DYM: variants seen among roughly 807,000 people sequenced by gnomAD.
The protein encoded by DYM is dymeclin.
DYM carries 78 observed loss-of-function variants against 93.1 expected under a neutral mutation model. The observed-to-expected ratio is 0.84, with a 90% confidence interval of 0.70 to 1.01. The LOEUF is 1.01. Ranked by LOEUF, DYM falls within the 50% of genes least tolerant of loss-of-function variation. The pLI is 0.00. For synonymous variants in DYM, 321 were observed against 319.7 expected (o/e 1.00, Z -0.04); for missense variants, 789 against 845.0 (o/e 0.93, Z 0.82).
At chr18:49,393,779 A>T (rs2069692183) in intron 2 of DYM, 1 of 152,104 alleles carries the variant, frequency 6.6e-6, no homozygotes, top group African/African-American at 2.4e-5. Context: ...TCAAAAGAAA[A>T]TAATAATAAA....
chr18:49,360,541 C>A (rs1185547927), intron 6 of DYM, among the ~76,000 whole-genome samples: 1 of 151,488 alleles, frequency 6.6e-6, no homozygotes, highest in Admixed American at 6.6e-5. Context: ...AGAATCGCTT[C>A]AACCCAGGAG....
At chr18:49,217,995 G>A (rs1316623035) in intron 13 of DYM, among the ~76,000 whole-genome samples, 7 of 152,072 alleles carry the variant, frequency 4.6e-5, no homozygotes, top group African/African-American at 1.4e-4. Flanking sequence ...TCAGTGTGCT[G>A]TATTCAGGAA....
intron 2 of DYM, among the ~76,000 whole-genome samples, chr18:49,392,221 G>A (rs2069341125): frequency 6.6e-6 from 1 of 151,990 alleles, no homozygotes; most frequent in African/African-American, 2.4e-5. Context: ...AGAGAAAAGA[G>A]GCACAGATAG....
At chr18:49,186,920 CTTTTTTTTTT>C (rs57080617) in intron 14 of DYM, among the ~76,000 whole-genome samples, 1 of 117,826 alleles carries the variant, frequency 8.5e-6, no homozygotes. Flanking sequence ...ACACAATCTT[CTTTTTTTTTT>C]TTTTTTTTTT....
At chr18:49,398,179 G>T (rs1482389702) in intron 2 of DYM, among the ~76,000 whole-genome samples, 1 of 152,096 alleles carries the variant, frequency 6.6e-6, no homozygotes, top group African/African-American at 2.4e-5. Flanking sequence ...ACCTAGAAGT[G>T]ATCCTATGAT....
At chr18:49,195,914 A>ATTTTTTTT (rs2091393949) in intron 14 of DYM, among the ~76,000 whole-genome samples, 1 of 97,748 alleles carries the variant, frequency 1.0e-5, no homozygotes, top group African/African-American at 5.3e-5. Context: ...GAATGCTACC[A>ATTTTTTTT]TCTTTTTTTT....
intron 6 of DYM, among the ~76,000 whole-genome samples, chr18:49,346,952 A>G (rs774319393): frequency 1.3e-5 from 2 of 152,196 alleles, no homozygotes; most frequent in Non-Finnish European, 2.9e-5. Context: ...CTTACCTTAA[A>G]CATGCATGAA....
chr18:49,385,336 T>G (rs1371299643), intron 3 of DYM, among the ~76,000 whole-genome samples: 1 of 152,162 alleles, frequency 6.6e-6, no homozygotes, highest in African/African-American at 2.4e-5. Flanking sequence ...CACCACATCA[T>G]CCTAGTGGGT....
chr18:49,404,820 C>G (rs549009244), intron 2 of DYM, among the ~76,000 whole-genome samples: 1 of 152,026 alleles, frequency 6.6e-6, no homozygotes, highest in Non-Finnish European at 1.5e-5. Context: ...GAGTTCGAGA[C>G]CAGCCTGACC....
intron 2 of DYM, chr18:49,411,759 A>AT (rs1442458229): frequency 1.3e-5 from 2 of 152,172 alleles, no homozygotes; most frequent in Non-Finnish European, 2.9e-5. Context: ...CAAAACTGAC[A>AT]TTTTATATTA....
chr18:49,079,440 A>T (rs1276090278), intron 17 of DYM, among the ~76,000 whole-genome samples: 1 of 148,370 alleles, frequency 6.7e-6, no homozygotes, highest in Admixed American at 6.8e-5. Flanking sequence ...CATTCTTGGG[A>T]GTTTCTCGCA....
chr18:49,391,493 C>G, intron 3 of DYM, 100 bp downstream of exon 3: 1 of 1,203,754 alleles, frequency 8.3e-7, no homozygotes. Flanking sequence ...CTATTGCTAT[C>G]AAAGAAGAGT....
intron 17 of DYM, among the ~76,000 whole-genome samples, chr18:49,094,290 T>A (rs1453142401): frequency 6.6e-6 from 1 of 152,164 alleles, no homozygotes; most frequent in African/African-American, 2.4e-5. Flanking sequence ...ACATTCAAAT[T>A]GCTCCACAGT....
chr18:49,124,751 A>T (rs2082664239), intron 15 of DYM, among the ~76,000 whole-genome samples: 1 of 152,196 alleles, frequency 6.6e-6, no homozygotes, highest in African/African-American at 2.4e-5. Flanking sequence ...TTCTAGCATT[A>T]CTCAAATTGG....
chr18:49,176,993 T>C (rs1380987521), intron 14 of DYM, among the ~76,000 whole-genome samples: 1 of 152,196 alleles, frequency 6.6e-6, no homozygotes, highest in African/African-American at 2.4e-5. Context: ...TTTTCTGACT[T>C]GAAAGAAGTT....
chr18:49,154,327 T>C (rs76668515), intron 15 of DYM, among the ~76,000 whole-genome samples: 1,557 of 152,286 alleles, frequency 0.01, 30 homozygotes, highest in African/African-American at 0.032. Context: ...TCCTTTATTT[T>C]GATAAATGTT....
At chr18:49,062,945 C>G (rs1245998465) in intron 17 of DYM, among the ~76,000 whole-genome samples, 1 of 152,200 alleles carries the variant, frequency 6.6e-6, no homozygotes, top group Non-Finnish European at 1.5e-5. Context: ...ACCCCTTAAT[C>G]TGTGGGCAGA....
chr18:49,060,378 T>C (rs2075849124), intron 17 of DYM, among the ~76,000 whole-genome samples: 1 of 152,024 alleles, frequency 6.6e-6, no homozygotes, highest in African/African-American at 2.4e-5. Context: ...TTTCCTACAG[T>C]GCTGGTGCGG....
chr18:49,085,748 T>C (rs2078460380), intron 17 of DYM, among the ~76,000 whole-genome samples: 1 of 151,662 alleles, frequency 6.6e-6, no homozygotes, highest in Non-Finnish European at 1.5e-5. Flanking sequence ...GCTGGGATTA[T>C]AGGCACCTGC....
Sources: allele counts gnomAD v4.1 joint callset (sites outside exome capture counted in the v4.1 genomes callset), GRCh38; gene constraint gnomAD v4.1.1; transcripts MANE v1.5; gene names NCBI Gene and HGNC (gene_info 2026-07-23, HGNC 2026-07-21).